Variants in PRAG1 observed in about 807,000 individuals in gnomAD.
PRAG1 encodes inactive tyrosine-protein kinase PRAG1.
A neutral mutation model predicts 95.6 loss-of-function variants in PRAG1; 110 were observed. The observed-to-expected ratio is 1.15, with a 90% CI of 0.99 to 1.35. PRAG1 has a LOEUF of 1.35. Among genes scored for constraint, PRAG1 ranks in the 40% most tolerant of loss-of-function variants. PRAG1 has a pLI of 0.00. For synonymous variants in PRAG1, 1,052 were observed against 819.4 expected, an observed-to-expected ratio of 1.28 and a Z score of -4.85; for missense variants, 2,554 against 1,864.7, an observed-to-expected ratio of 1.37 and a Z score of -6.81.
rs750561679 is a variant in PRAG1, at chr8:8,328,153, A to G, written c.2629T>C (p.Ser877Pro). ...SPGNRHHPVF[S>P]SSDPLEKAFK... ...GCTTTCTCCAGAGGATCGGAAGAGGAGAAGACAGGATGGTGGCGGTTCCCG... is the reference window on the plus strand; with the variant it reads ...GCTTTCTCCAGAGGATCGGAAGAGGGGAAGACAGGATGGTGGCGGTTCCCG... The change falls in exon 5 of 6, where the codon TCC (serine) becomes CCC (proline). Residue 877 changes from serine to proline, a missense_variant. Ser to Pro is a moderately conservative substitution (Grantham distance 74). Coordinates refer to ENST00000615670, the MANE Select transcript of PRAG1 (RefSeq NM_001080826.3). 1.9e-6 allele frequency: 3 copies of G among 1,613,940 alleles called. No individual in the cohort carries two copies. The highest frequency in any genetic ancestry group is 1.7e-6 in the Non-Finnish European group (2 of 1,180,004).
At chr8:8,322,510 C>T (rs961880839) in intron 5 of PRAG1, among the ~76,000 whole-genome samples, 1 of 151,954 alleles carries the variant, frequency 6.6e-6, no homozygotes. Flanking sequence ...TGAAATGGAC[C>T]CCTCCTCTCA....
At position 8,376,256 on chromosome 8, in the gene PRAG1, G is replaced by A. The variant is rs1182191214; in HGVS notation, c.2153C>T (p.Pro718Leu). The A allele has an allele frequency of 3.7e-6, 6 of 1,613,314 alleles. No individual in the cohort carries two copies. The African/African-American group carries it at 6.7e-5, about 18-fold the overall frequency. ...IETFSPPPPP[P>L]KSRHLLKMNK... Reference sequence around the variant, plus strand: ...AGACAATGGTACTCACCGCGACTTTGGAGGCGGAGGAGGAGGTGAGAATGT... The same window carrying A: ...AGACAATGGTACTCACCGCGACTTTAGAGGCGGAGGAGGAGGTGAGAATGT... The change falls in exon 3 of 6, where the codon CCA (proline) becomes CTA (leucine). Residue 718 changes from proline to leucine, a missense_variant. Transcript: ENST00000615670.
Position 8,377,549 on chromosome 8 carries a change from G to A in PRAG1, c.860C>T (p.Thr287Met), listed in dbSNP as rs780644516. 1.2e-5 allele frequency: 20 copies of A among 1,600,880 alleles called. No individual in the cohort carries two copies. Among genetic ancestry groups the A allele is most frequent in the Admixed American group, 3.4e-5 (2 of 58,768 alleles). The change falls in exon 3 of 6, where the codon ACG becomes ATG. Residue 287 changes from threonine (T) to methionine (M), a missense_variant. Thr to Met is a moderately conservative substitution (Grantham distance 81, BLOSUM62 -1). Transcript: ENST00000615670. Reference protein sequence around the residue: ...GRHGGRDCSPTCWEQGKCSGP... With the variant: ...GRHGGRDCSPMCWEQGKCSGP... Reference sequence around the variant, plus strand: ...GGAACACTTCCCCTGCTCCCAGCACGTGGGTGAGCAGTCCCTGCCACCATG... The same window carrying A: ...GGAACACTTCCCCTGCTCCCAGCACATGGGTGAGCAGTCCCTGCCACCATG...
chr8:8,337,890 G>C (rs1215317093), intron 4 of PRAG1, among the ~76,000 whole-genome samples: 5 of 152,046 alleles, frequency 3.3e-5, no homozygotes, highest in African/African-American at 4.8e-5. Context: ...TTCCCACCAA[G>C]CTCATGTCCC....
intron 5 of PRAG1, among the ~76,000 whole-genome samples, chr8:8,326,824 C>T (rs1798649347): frequency 6.6e-6 from 1 of 152,324 alleles, no homozygotes; most frequent in Admixed American, 6.5e-5. Context: ...AATTACTTAA[C>T]CACTTTGAGC....
intron 1 of PRAG1, among the ~76,000 whole-genome samples, chr8:8,384,487 G>A (rs1463533710): frequency 6.6e-6 from 1 of 151,488 alleles, no homozygotes; most frequent in Non-Finnish European, 1.5e-5. Flanking sequence ...TTTTTAAAGG[G>A]AAGTCATTGA....
At chr8:8,385,758 G>A (rs1800825526) in intron 1 of PRAG1, among the ~76,000 whole-genome samples, 1 of 152,092 alleles carries the variant, frequency 6.6e-6, no homozygotes, top group African/African-American at 2.4e-5. Flanking sequence ...TGTGTCCCCG[G>A]ATACCAGCAA....
At chr8:8,385,753 C>T (rs879023618) in intron 1 of PRAG1, among the ~76,000 whole-genome samples, 1 of 152,104 alleles carries the variant, frequency 6.6e-6, no homozygotes, top group Admixed American at 6.6e-5. Flanking sequence ...GTGTGTGTGT[C>T]CCCGGATACC....
At chr8:8,359,764 GATGT>G in intron 3 of PRAG1, among the ~76,000 whole-genome samples, 1 of 152,274 alleles carries the variant, frequency 6.6e-6, no homozygotes, top group Non-Finnish European at 1.5e-5. Context: ...CAGACATCTG[GATGT>G]ATGTATTTTT....
chr8:8,369,262 G>C (rs892717867), intron 3 of PRAG1, among the ~76,000 whole-genome samples: 3 of 151,608 alleles, frequency 2.0e-5, no homozygotes, highest in African/African-American at 7.3e-5. Flanking sequence ...CTGTGCTAAG[G>C]TATGCTGTGG....
In PRAG1 at chr8:8,377,982, C is replaced by G. The variant is rs551944411; in HGVS notation, c.427G>C (p.Ala143Pro). 3.7e-6 allele frequency: 6 copies of G among 1,612,784 alleles called. No individual in the cohort carries two copies. Among genetic ancestry groups the G allele is most frequent in the African/African-American group, 1.3e-5 (1 of 75,014 alleles). The change falls in exon 3 of 6, where the codon GCT becomes CCT. Residue 143 changes from alanine (A) to proline (P), a missense_variant. Ala to Pro is a conservative substitution (Grantham distance 27, BLOSUM62 -1). Transcript: ENST00000615670. Reference sequence around the variant, plus strand: ...CCATCAGGGGAGGTAGAGGGACCAGCAGGCTTCTGTACACCTCGGAAGCTG... The same window carrying G: ...CCATCAGGGGAGGTAGAGGGACCAGGAGGCTTCTGTACACCTCGGAAGCTG... ...LGSFRGVQKPAGPSTSPDGNS... is the reference protein window; with the variant it reads ...LGSFRGVQKPPGPSTSPDGNS...
rs1563228446 is a variant in PRAG1, at chr8:8,328,148, A to C, written c.2634T>G (p.Ser878=). Reference sequence around the variant, plus strand: ...TGAAAGCTTTCTCCAGAGGATCGGAAGAGGAGAAGACAGGATGGTGGCGGT... The same window carrying C: ...TGAAAGCTTTCTCCAGAGGATCGGACGAGGAGAAGACAGGATGGTGGCGGT... ...PGNRHHPVFS[S]SDPLEKAFKG... is the part of the protein sequence containing the mutation. The change falls in exon 5 of 6, where the codon TCT becomes TCG. Residue 878 remains serine (S), a synonymous_variant. Coordinates refer to ENST00000615670, the MANE Select transcript of PRAG1 (RefSeq NM_001080826.3). 3 of 1,614,260 alleles carry C rather than the reference A, an allele frequency of 1.9e-6. No individual in the cohort carries two copies. The Admixed American group carries it at 5.0e-5, about 27-fold the overall frequency.
intron 3 of PRAG1, among the ~76,000 whole-genome samples, chr8:8,356,612 T>C (rs1013880298): frequency 6.6e-6 from 1 of 152,140 alleles, no homozygotes; most frequent in Non-Finnish European, 1.5e-5. Flanking sequence ...CCTTCCAAAG[T>C]GCTGGGATTT....
chr8:8,318,026 T>C lies in PRAG1; in HGVS notation c.*128A>G. 2.7e-6 allele frequency: 2 copies of C among 729,114 alleles called. No individual in the cohort carries two copies. Among genetic ancestry groups the C allele is most frequent in the Non-Finnish European group, 4.2e-6 (2 of 480,648 alleles). 45.2% of individuals were successfully genotyped at this position (729,114 alleles called of 1,614,324 possible). On this transcript the variant is annotated 3_prime_UTR_variant, in exon 6 of 6. Coordinates refer to ENST00000615670, the MANE Select transcript of PRAG1 (RefSeq NM_001080826.3). This position sits in a 1 kb window ranked among gnomAD's most constrained non-coding sequence, Gnocchi z 4.2. ...GTATATGTATTTTCTATATATATATTTATATATTTTACATCCAGGTATCCC... is the reference window on the plus strand; with the variant it reads ...GTATATGTATTTTCTATATATATATCTATATATTTTACATCCAGGTATCCC...
rs762647816 is a variant in PRAG1, at chr8:8,318,582, G to C, written c.3793C>G (p.Leu1265Val). ...ACCTCGAACGGGTTGGGTTGGTGCAGCAGCTCGTAGATGAGGATGCCTGTC... is the reference window on the plus strand; with the variant it reads ...ACCTCGAACGGGTTGGGTTGGTGCACCAGCTCGTAGATGAGGATGCCTGTC... ...FQTGILIYEL[L>V]HQPNPFEVRA... The change falls in exon 6 of 6, where the codon CTG (leucine) becomes GTG (valine). Residue 1265 changes from leucine to valine, a missense_variant. Leu to Val is a conservative substitution (Grantham distance 32). Transcript: ENST00000615670. The surrounding 1 kb of genome is among the most constrained non-coding windows in gnomAD (Gnocchi z 4.2). 1 of 1,613,514 alleles carries C rather than the reference G, an allele frequency of 6.2e-7. No individual in the cohort carries two copies. Among genetic ancestry groups the C allele is most frequent in the East Asian group, 2.2e-5 (1 of 44,858 alleles).
chr8:8,354,161 G>A lies in PRAG1; in HGVS notation c.2163-14526C>T, dbSNP rs185260423. ...AAGGGACTATTATGAACAATTATAT[G>A]CCAACAAATTGGATGACAGAGAGAA... On this transcript the variant is annotated intron_variant, in intron 3 of 5. Transcript: ENST00000615670. Among the ~76,000 whole-genome samples, 5 of 152,182 alleles carry A rather than the reference G, an allele frequency of 3.3e-5. No homozygotes were observed. The East Asian group carries it at 9.6e-4, about 29-fold the overall frequency.
chr8:8,370,675 C>T (rs998211291), intron 3 of PRAG1, among the ~76,000 whole-genome samples: 1 of 152,204 alleles, frequency 6.6e-6, no homozygotes, highest in African/African-American at 2.4e-5. Flanking sequence ...ACCCATCTCA[C>T]TCATCCTATG....
At chr8:8,335,772 C>G (rs1423772609) in intron 4 of PRAG1, among the ~76,000 whole-genome samples, 10 of 152,102 alleles carry the variant, frequency 6.6e-5, no homozygotes, top group African/African-American at 2.2e-4. Context: ...TGACCAGTAG[C>G]TACTTTACAT....
chr8:8,349,266 CTATT>C lies in PRAG1; in HGVS notation c.2163-9635_2163-9632del, dbSNP rs10672013. 5.5e-3 allele frequency among the ~76,000 whole-genome samples: 818 copies of C among 149,334 alleles called. 8 individuals are homozygous for C. Among genetic ancestry groups the C allele is most frequent in the African/African-American group, 0.019 (766 of 40,274 alleles). On this transcript the variant is annotated intron_variant, in intron 3 of 5. Coordinates refer to ENST00000615670, the MANE Select transcript of PRAG1 (RefSeq NM_001080826.3). ...AGGTTTCTATTATTTATCTATCTAT[CTATT>C]TATTTATTTATTTATTTATTTATTT...
Sources: allele counts gnomAD v4.1 joint callset (sites outside exome capture counted in the v4.1 genomes callset), GRCh38; gene constraint gnomAD v4.1.1; non-coding constraint Gnocchi (gnomAD v3.1); transcripts MANE v1.5; gene names NCBI Gene and HGNC (gene_info 2026-07-23, HGNC 2026-07-21).